The following ARHGEF33 variants were observed in gnomAD, a reference collection of about 807,000 sequenced individuals.
The protein encoded by ARHGEF33 is Rho guanine nucleotide exchange factor 33.
In ARHGEF33, 72 loss-of-function variants were observed where a neutral mutation model predicts 101.9. The observed-to-expected ratio is 0.71, with a 90% confidence interval of 0.58 to 0.86. The LOEUF is 0.86. Ranked by LOEUF, ARHGEF33 falls within the 40% of genes least tolerant of loss-of-function variation. The pLI, the probability that ARHGEF33 is intolerant of heterozygous loss-of-function variation, is 0.00. For synonymous variants in ARHGEF33, 499 were observed against 442.5 expected, an observed-to-expected ratio of 1.13 and a Z score of -1.60; for missense variants, 1,169 against 1,111.3, an observed-to-expected ratio of 1.05 and a Z score of -0.74.
Position 38,892,908 on chromosome 2 carries a change from T to C in ARHGEF33, c.-158-2869T>C, listed in dbSNP as rs892084032. On this transcript the variant is annotated intron_variant, in intron 1 of 17. Coordinates refer to ENST00000409978, the MANE Select transcript of ARHGEF33 (RefSeq NM_001145451.5). Reference sequence around the variant, plus strand: ...AAAGGTGCCTGCTCACTGGCCTCTTTGCAGCTGCTCTTTCCTCTACAGTGC... The same window carrying C: ...AAAGGTGCCTGCTCACTGGCCTCTTCGCAGCTGCTCTTTCCTCTACAGTGC... 4.6e-5 allele frequency among the ~76,000 whole-genome samples: 7 copies of C among 152,326 alleles called. No homozygotes were observed. The South Asian group carries it at 1.2e-3, about 27-fold the overall frequency.
chr2:38,903,876 A>G (rs1436322602), intron 2 of ARHGEF33, among the ~76,000 whole-genome samples: 2 of 152,186 alleles, frequency 1.3e-5, no homozygotes, highest in Non-Finnish European at 2.9e-5. Flanking sequence ...TCAATAATTC[A>G]TTAATTGAGG....
chr2:38,930,327 T>A (rs1277922288), intron 6 of ARHGEF33, among the ~76,000 whole-genome samples: 1 of 151,926 alleles, frequency 6.6e-6, no homozygotes, highest in Non-Finnish European at 1.5e-5. Flanking sequence ...ACTTATTTGG[T>A]TTTCTTTTTC....
chr2:38,945,039 C>T (rs1180009843), intron 10 of ARHGEF33, among the ~76,000 whole-genome samples: 1 of 152,004 alleles, frequency 6.6e-6, no homozygotes, highest in African/African-American at 2.4e-5. Context: ...GAAAGTAAGA[C>T]TTGGTGAAAA....
intron 10 of ARHGEF33, among the ~76,000 whole-genome samples, chr2:38,949,238 C>G (rs1285255648): frequency 1.3e-5 from 2 of 152,176 alleles, no homozygotes; most frequent in African/African-American, 4.8e-5. Context: ...CGAGTTTACT[C>G]TCATTTGACC....
At chr2:38,969,382 C>T (rs1572785398) in intron 17 of ARHGEF33, 1 of 168,842 alleles carries the variant, frequency 5.9e-6, no homozygotes, top group East Asian at 1.9e-4. Context: ...CCTGTCTACA[C>T]TGACACACTT....
chr2:38,943,295 G>C (rs1558436794), intron 9 of ARHGEF33, among the ~76,000 whole-genome samples: 1 of 152,114 alleles, frequency 6.6e-6, no homozygotes, highest in Non-Finnish European at 1.5e-5. Context: ...TTCTCAAGTG[G>C]AAGACCCTCC....
Position 38,928,916 on chromosome 2 carries a change from C to G in ARHGEF33, c.85C>G (p.Leu29Val). The G allele has an allele frequency of 2.6e-6, 4 of 1,549,540 alleles. No homozygotes were observed. The highest frequency in any genetic ancestry group is 3.5e-6 in the Non-Finnish European group (4 of 1,146,128). ...PSTQIYQLQA[L>V]ASELKTGFTE... ...TTCATGCATTATTTAGTTGCAGGCC[C>G]TAGCCTCCGAACTCAAAACTGGTTT... Residue 29 changes from leucine (L) to valine (V), a missense_variant, in exon 5 of 18, where the codon CTA (leucine) becomes GTA (valine). Coordinates refer to ENST00000409978, the MANE Select transcript of ARHGEF33 (RefSeq NM_001145451.5).
intron 16 of ARHGEF33, among the ~76,000 whole-genome samples, chr2:38,962,885 A>G (rs1192880077): frequency 7.0e-6 from 1 of 143,662 alleles, no homozygotes; most frequent in Non-Finnish European, 1.5e-5. Flanking sequence ...TTAGCCGGGC[A>G]TGGTGGTGAG....
chr2:38,896,050 T>C (rs1364169460), intron 2 of ARHGEF33, among the ~76,000 whole-genome samples: 1 of 152,252 alleles, frequency 6.6e-6, no homozygotes, highest in Non-Finnish European at 1.5e-5. Flanking sequence ...AATAGCCACC[T>C]TCTAAACCAG....
Position 38,951,061 on chromosome 2 carries a change from C to T in ARHGEF33, c.993C>T (p.Val331=). ...TGCTTCACGCACTGCAGGAAAGGGTCCTGAAGTGGCCACGCCAAGGCGTTC... is the reference window on the plus strand; with the variant it reads ...TGCTTCACGCACTGCAGGAAAGGGTTCTGAAGTGGCCACGCCAAGGCGTTC... ...LDLLHALQER[V]LKWPRQGVLG... The change falls in exon 11 of 18, where the codon GTC becomes GTT. Residue 331 remains valine (V), a synonymous_variant. Transcript: ENST00000409978. The T allele has an allele frequency of 1.6e-5, 25 of 1,552,070 alleles. No homozygotes were observed. The highest frequency in any genetic ancestry group is 2.1e-5 in the Non-Finnish European group (24 of 1,147,060).
chr2:38,942,140 T>G (rs1406898643), intron 9 of ARHGEF33, among the ~76,000 whole-genome samples: 3 of 151,628 alleles, frequency 2.0e-5, no homozygotes, highest in South Asian at 4.2e-4. Context: ...GCTCTTCTAT[T>G]TTTCTTCAAT....
Position 38,956,979 on chromosome 2 carries a change from C to G in ARHGEF33, c.1302C>G (p.Ile434Met). ...GTGTCCAGCGCCTCCGAGTATTTAT[C>G]TCACACTACACCCTGCTGTTTCAAT... ...LVCVQRLRVF[I>M]SHYTLLFQCN... The change falls in exon 14 of 18, where the codon ATC becomes ATG. Residue 434 changes from isoleucine (I) to methionine (M), a missense_variant. By Grantham distance (10) the Ile-to-Met change is conservative (BLOSUM62 1). Coordinates refer to ENST00000409978, the MANE Select transcript of ARHGEF33 (RefSeq NM_001145451.5). The G allele has an allele frequency of 6.4e-7, 1 of 1,552,290 alleles. No individual in the cohort carries two copies. Among genetic ancestry groups the G allele is most frequent in the Non-Finnish European group, 8.7e-7 (1 of 1,147,118 alleles).
intron 15 of ARHGEF33, 121 bp downstream of exon 15, chr2:38,958,319 C>G (rs749236865): frequency 7.9e-7 from 1 of 1,271,434 alleles, no homozygotes; most frequent in South Asian, 1.5e-5. Context: ...CTATATGTGC[C>G]AACCAAGCAG....
chr2:38,903,823 C>T (rs1176536057), intron 2 of ARHGEF33, among the ~76,000 whole-genome samples: 1 of 152,184 alleles, frequency 6.6e-6, no homozygotes, highest in Non-Finnish European at 1.5e-5. Flanking sequence ...TTAATCTCTA[C>T]ATCCATGATT....
At chr2:38,917,505 A>G (rs970140063) in intron 2 of ARHGEF33, among the ~76,000 whole-genome samples, 3 of 152,186 alleles carry the variant, frequency 2.0e-5, no homozygotes, top group African/African-American at 7.2e-5. Context: ...CCACTAACAC[A>G]ATTAAGCAGT....
chr2:38,957,273 A>C (rs1476422111), intron 14 of ARHGEF33, among the ~76,000 whole-genome samples: 1 of 152,234 alleles, frequency 6.6e-6, no homozygotes, highest in East Asian at 1.9e-4. Flanking sequence ...CTGCTTACAT[A>C]GACCCCCTCT....
chr2:38,969,142 G>A (rs1210757169), intron 17 of ARHGEF33, among the ~76,000 whole-genome samples: 2 of 152,140 alleles, frequency 1.3e-5, no homozygotes, highest in Admixed American at 1.3e-4. Flanking sequence ...TCAGGCCTGT[G>A]GACAGGTATA....
Position 38,889,978 on chromosome 2 carries a change from C to T in ARHGEF33, c.-167C>T, listed in dbSNP as rs1665960328. ...CTGAGGATGATATAACCACCGCAGG[C>T]AACATGGGGTAAGTATGCGCTTTTA... On this transcript the variant is annotated 5_prime_UTR_variant, in exon 1 of 18. Coordinates refer to ENST00000409978, the MANE Select transcript of ARHGEF33 (RefSeq NM_001145451.5). The T allele has an allele frequency of 4.3e-6, 2 of 469,036 alleles. No individual in the cohort carries two copies. The highest frequency in any genetic ancestry group is 4.7e-5 in the Admixed American group (2 of 42,244). The allele number at this position is 469,036 out of a possible 1,614,324, so 29.1% of individuals were successfully genotyped here.
At chr2:38,910,989 C>A (rs1572743533) in intron 2 of ARHGEF33, among the ~76,000 whole-genome samples, 1 of 152,256 alleles carries the variant, frequency 6.6e-6, no homozygotes, top group East Asian at 1.9e-4. Context: ...GCTATGGCTT[C>A]CTTGGGTATA....
Sources: gnomAD v4.1 joint callset for allele counts (sites outside exome capture counted in the v4.1 genomes callset) on GRCh38, gnomAD v4.1.1 for gene constraint, MANE v1.5 for transcripts, NCBI Gene and HGNC (gene_info 2026-07-23, HGNC 2026-07-21) for gene names.